Variants in DPY19L2 observed in about 807,000 individuals in gnomAD.
DPY19L2 encodes the protein probable C-mannosyltransferase DPY19L2.
A neutral mutation model predicts 97.9 loss-of-function variants in DPY19L2; 34 were observed. That is an observed-to-expected ratio of 0.35 (90% CI 0.26 to 0.46). DPY19L2 has a LOEUF of 0.46. Ranked by LOEUF, DPY19L2 falls within the 20% of genes least tolerant of loss-of-function variation. DPY19L2 has a pLI of 1.00. For synonymous variants in DPY19L2, 230 were observed against 307.9 expected, an observed-to-expected ratio of 0.75 and a Z score of 2.65; for missense variants, 623 against 911.4, an observed-to-expected ratio of 0.68 and a Z score of 4.07.
At chr12:63,635,837 A>G (rs1242191448) in intron 6 of DPY19L2, among the ~76,000 whole-genome samples, 3 of 152,226 alleles carry the variant, frequency 2.0e-5, no homozygotes, top group Admixed American at 1.3e-4. Context: ...GAATGGAACC[A>G]CATTGGAAAA....
intron 4 of DPY19L2, among the ~76,000 whole-genome samples, chr12:63,654,995 TCAA>T (rs1178547361): frequency 1.3e-5 from 2 of 151,772 alleles, no homozygotes; most frequent in Non-Finnish European, 2.9e-5. Context: ...TGAGACAAAC[TCAA>T]CAACACTATG....
Position 63,579,467 on chromosome 12 carries a change from G to T in DPY19L2, c.1900+1195C>A, listed in dbSNP as rs142565037. ...GGAGAATAAGACAGATTAAAAAGAA[G>T]ATCAAAGAAGAGGCATCTAAAAGTG... is the stretch of plus-strand genomic sequence containing the variant. On this transcript the variant is annotated intron_variant, in intron 19 of 21. Coordinates refer to ENST00000324472, the MANE Select transcript of DPY19L2 (RefSeq NM_173812.5). Among the ~76,000 whole-genome samples, 1,027 of 152,292 alleles carry T rather than the reference G, an allele frequency of 6.7e-3. 15 individuals are homozygous for T. Among genetic ancestry groups the T allele is most frequent in the African/African-American group, 0.024 (991 of 41,576 alleles).
chr12:63,611,215 A>G (rs1252529475), intron 11 of DPY19L2, among the ~76,000 whole-genome samples: 5 of 152,116 alleles, frequency 3.3e-5, no homozygotes, highest in East Asian at 1.9e-4. Context: ...GAGAGCAGCA[A>G]TATTAGCCAT....
chr12:63,584,158 G>T lies in DPY19L2; in HGVS notation c.1581-322C>A, dbSNP rs186713017. ...ACCTTCTATTCAACCTATATATACA[G>T]TGTATACAATACTTTAGATGACCAC... On this transcript the variant is annotated intron_variant, in intron 16 of 21. Transcript: ENST00000324472. The T allele has an allele frequency of 1.8e-3, 386 of 219,690 alleles. 4 individuals carry two copies. The highest frequency in any genetic ancestry group is 7.2e-3 in the South Asian group (79 of 11,006). 13.6% of individuals were successfully genotyped at this position (219,690 alleles called of 1,614,324 possible).
rs1205482266 is a variant in DPY19L2 at position 63,657,775 on chromosome 12, A to G, written c.588+3569T>C. Among the ~76,000 whole-genome samples the G allele has an allele frequency of 5.3e-5, 8 of 152,020 alleles. No homozygotes were observed. In the East Asian group the frequency reaches 1.4e-3, roughly 26 times the overall value. On this transcript the variant is annotated intron_variant, in intron 4 of 21. Coordinates refer to ENST00000324472, the MANE Select transcript of DPY19L2 (RefSeq NM_173812.5). ...AAAACTTTCTCTAAATACTTCCCCA[A>G]TCTTCCCTGACAGAGCCTGCTCACC...
At chr12:63,663,895 A>T (rs779710278) in intron 2 of DPY19L2, 50 bp from the exon 3 acceptor site, 21 of 1,260,010 alleles carry the variant, frequency 1.7e-5, no homozygotes, top group Non-Finnish European at 2.4e-5. Context: ...TTTCAAAACT[A>T]ACAGTAAAAT....
At chr12:63,625,566 T>C (rs189885455) in intron 7 of DPY19L2, among the ~76,000 whole-genome samples, 28 of 152,316 alleles carry the variant, frequency 1.8e-4, no homozygotes, top group African/African-American at 6.3e-4. Flanking sequence ...AATGAATCCA[T>C]CATATTTGAA....
intron 6 of DPY19L2, among the ~76,000 whole-genome samples, chr12:63,637,229 G>A (rs991503520): frequency 6.6e-6 from 1 of 152,112 alleles, no homozygotes; most frequent in African/African-American, 2.4e-5. Flanking sequence ...GATGTTCTTT[G>A]AAACCAATGA....
intron 6 of DPY19L2, among the ~76,000 whole-genome samples, chr12:63,635,773 C>T (rs181518201): frequency 4.6e-5 from 7 of 152,244 alleles, no homozygotes; most frequent in African/African-American, 1.7e-4. Flanking sequence ...AAATATGGCA[C>T]TATATGAAAA....
intron 11 of DPY19L2, among the ~76,000 whole-genome samples, chr12:63,616,002 G>A (rs530565112): frequency 6.6e-6 from 1 of 152,092 alleles, no homozygotes; most frequent in Non-Finnish European, 1.5e-5. Flanking sequence ...TATTTGCATA[G>A]TATTTATATT....
At chr12:63,599,694 T>C (rs988155916) in intron 13 of DPY19L2, among the ~76,000 whole-genome samples, 3 of 152,172 alleles carry the variant, frequency 2.0e-5, no homozygotes, top group African/African-American at 7.2e-5. Flanking sequence ...CATTGTTTTC[T>C]ATTCCCTAAA....
At chr12:63,585,748 G>A (rs1247842583) in intron 16 of DPY19L2, among the ~76,000 whole-genome samples, 1 of 152,026 alleles carries the variant, frequency 6.6e-6, no homozygotes, top group East Asian at 1.9e-4. Flanking sequence ...TCATGAAAAG[G>A]AAACATCAAA....
intron 21 of DPY19L2, among the ~76,000 whole-genome samples, chr12:63,565,713 T>A (rs1877539124): frequency 6.6e-6 from 1 of 152,166 alleles, no homozygotes; most frequent in Non-Finnish European, 1.5e-5. Context: ...AAGTCTGTCA[T>A]CTCAGTGTTT....
At chr12:63,621,190 C>T (rs773055067) in intron 9 of DPY19L2, 48 bp downstream of exon 9, 5 of 1,160,766 alleles carry the variant, frequency 4.3e-6, no homozygotes, top group African/African-American at 1.6e-5. Flanking sequence ...GCACATGTAC[C>T]CCAGAACTTA....
At chr12:63,583,126 T>C (rs1042539673) in intron 17 of DPY19L2, among the ~76,000 whole-genome samples, 5 of 152,154 alleles carry the variant, frequency 3.3e-5, no homozygotes, top group African/African-American at 1.2e-4. Flanking sequence ...CAAAATTCAA[T>C]AAAATCTGAA....
chr12:63,627,394 G>T (rs534326975), intron 6 of DPY19L2, among the ~76,000 whole-genome samples: 3 of 152,122 alleles, frequency 2.0e-5, no homozygotes, highest in African/African-American at 7.2e-5. Context: ...CTGTCACCCA[G>T]GCTGGAGTGC....
At chr12:63,658,364 GC>G (rs937379633) in intron 4 of DPY19L2, among the ~76,000 whole-genome samples, 9 of 151,966 alleles carry the variant, frequency 5.9e-5, no homozygotes, top group African/African-American at 2.2e-4. Flanking sequence ...GCGTGGTGGC[GC>G]ACATCTGTAA....
intron 16 of DPY19L2, among the ~76,000 whole-genome samples, chr12:63,590,735 G>A (rs753432122): frequency 6.6e-5 from 10 of 151,988 alleles, no homozygotes; most frequent in Admixed American, 3.9e-4. Context: ...GCACCCAGGG[G>A]AGCAGATCTA....
intron 4 of DPY19L2, among the ~76,000 whole-genome samples, chr12:63,652,784 T>C (rs1894446577): frequency 6.6e-6 from 1 of 151,496 alleles, no homozygotes; most frequent in Non-Finnish European, 1.5e-5. Flanking sequence ...GGGTGAAGGG[T>C]ATGAGGAGGG....
Sources: gnomAD v4.1 joint callset for allele counts (sites outside exome capture counted in the v4.1 genomes callset) on GRCh38, gnomAD v4.1.1 for gene constraint, MANE v1.5 for transcripts, NCBI Gene and HGNC (gene_info 2026-07-23, HGNC 2026-07-21) for gene names.